Variants in ARB2A observed in about 807,000 individuals in gnomAD.
ARB2A encodes the protein ARB2 cotranscriptional regulator A.
At chr5:93,671,081 A>G in the ARB2A span, among the ~76,000 whole-genome samples, 6 of 152,176 alleles carry the variant, frequency 3.9e-5, no homozygotes, top group African/African-American at 2.4e-5. Flanking sequence ...TGTTTTCCTC[A>G]TTAGTAAGGG....
At chr5:94,071,629 A>G in the ARB2A span, among the ~76,000 whole-genome samples, 4 of 152,266 alleles carry the variant, frequency 2.6e-5, no homozygotes, top group South Asian at 4.1e-4. Context: ...AAATAAGCAC[A>G]TGAAAAGATG....
chr5:93,621,915 T>C, the ARB2A span, among the ~76,000 whole-genome samples: 1 of 152,196 alleles, frequency 6.6e-6, no homozygotes, highest in Non-Finnish European at 1.5e-5. Flanking sequence ...TCCCATTTTA[T>C]CAGGAGGAAT....
At chr5:94,028,452 T>C in the ARB2A span, among the ~76,000 whole-genome samples, 4 of 152,210 alleles carry the variant, frequency 2.6e-5, no homozygotes, top group Non-Finnish European at 4.4e-5. Flanking sequence ...AGTGCTAGAA[T>C]GGATGTTGTT....
the ARB2A span, among the ~76,000 whole-genome samples, chr5:93,667,892 A>G: frequency 6.6e-6 from 1 of 152,216 alleles, no homozygotes; most frequent in African/African-American, 2.4e-5. Flanking sequence ...CAAGATCTCA[A>G]TGACACTCTT....
the ARB2A span, among the ~76,000 whole-genome samples, chr5:94,028,024 TG>T: frequency 6.6e-6 from 1 of 152,196 alleles, no homozygotes; most frequent in Non-Finnish European, 1.5e-5. Context: ...CACCCACACA[TG>T]TGGTCAAAGA....
At chr5:94,096,907 G>A in the ARB2A span, among the ~76,000 whole-genome samples, 2 of 152,134 alleles carry the variant, frequency 1.3e-5, no homozygotes, top group Non-Finnish European at 2.9e-5. Flanking sequence ...GAAGGAGTGA[G>A]TTAAACAGGC....
At chr5:94,037,553 C>T in the ARB2A span, among the ~76,000 whole-genome samples, 1 of 152,112 alleles carries the variant, frequency 6.6e-6, no homozygotes, top group Non-Finnish European at 1.5e-5. Context: ...AAAATAATAT[C>T]GCATCTACCC....
chr5:93,758,338 T>A, the ARB2A span, among the ~76,000 whole-genome samples: 2 of 152,268 alleles, frequency 1.3e-5, no homozygotes, highest in South Asian at 4.1e-4. Flanking sequence ...AGACAGGTCA[T>A]CACGACAGAA....
At chr5:93,840,035 T>G in the ARB2A span, among the ~76,000 whole-genome samples, 4 of 152,186 alleles carry the variant, frequency 2.6e-5, no homozygotes, top group Admixed American at 1.3e-4. Context: ...AGCTCTGATT[T>G]TGGTTATTTC....
chr5:93,902,867 T>C, the ARB2A span, among the ~76,000 whole-genome samples: 2 of 152,218 alleles, frequency 1.3e-5, no homozygotes, highest in African/African-American at 4.8e-5. Flanking sequence ...CTGCCCAATC[T>C]TGCAGATGTC....
the ARB2A span, among the ~76,000 whole-genome samples, chr5:93,708,367 T>C: frequency 1.3e-5 from 2 of 152,186 alleles, no homozygotes; most frequent in Non-Finnish European, 2.9e-5. Flanking sequence ...CTTTGAGTTA[T>C]TGTTTCACCT....
At chr5:93,998,717 C>T in the ARB2A span, among the ~76,000 whole-genome samples, 1 of 151,876 alleles carries the variant, frequency 6.6e-6, no homozygotes, top group Non-Finnish European at 1.5e-5. Context: ...AACTAATGCA[C>T]CGTCAGTAAC....
the ARB2A span, among the ~76,000 whole-genome samples, chr5:93,680,266 G>A: frequency 6.6e-6 from 1 of 151,986 alleles, no homozygotes; most frequent in African/African-American, 2.4e-5. Context: ...TTTAAAGGTG[G>A]TCTCTTATAA....
the ARB2A span, among the ~76,000 whole-genome samples, chr5:93,895,888 T>C: frequency 5.9e-5 from 9 of 151,962 alleles, no homozygotes; most frequent in African/African-American, 2.2e-4. Context: ...TAATAGGACA[T>C]AGTTTTTATT....
chr5:93,815,395 G>C, the ARB2A span, among the ~76,000 whole-genome samples: 2 of 152,096 alleles, frequency 1.3e-5, no homozygotes, highest in Non-Finnish European at 2.9e-5. Flanking sequence ...ATAAGAGAAG[G>C]AAAAATGATA....
chr5:93,983,850 T>C, the ARB2A span, among the ~76,000 whole-genome samples: 1 of 152,106 alleles, frequency 6.6e-6, no homozygotes, highest in South Asian at 2.1e-4. Context: ...CATATAACAT[T>C]CAAATTGAGA....
chr5:94,089,780 A>C, the ARB2A span, among the ~76,000 whole-genome samples: 60 of 152,304 alleles, frequency 3.9e-4, 1 homozygote, highest in African/African-American at 1.4e-3. Context: ...AGGGAATAGA[A>C]AGGAGCTCTT....
At chr5:93,730,502 C>T in the ARB2A span, among the ~76,000 whole-genome samples, 1 of 151,978 alleles carries the variant, frequency 6.6e-6, no homozygotes, top group Non-Finnish European at 1.5e-5. Flanking sequence ...TTGATTATTA[C>T]AGAAATATTT....
chr5:93,830,794 G>C, the ARB2A span, among the ~76,000 whole-genome samples: 1 of 152,034 alleles, frequency 6.6e-6, no homozygotes, highest in Admixed American at 6.6e-5. Flanking sequence ...GGATGATTTT[G>C]GGATGATTCA....
Sources: allele counts gnomAD v4.1 joint callset (sites outside exome capture counted in the v4.1 genomes callset), GRCh38; gene constraint gnomAD v4.1.1; transcripts MANE v1.5; gene names NCBI Gene and HGNC (gene_info 2026-07-23, HGNC 2026-07-21).